Variants in RPS6KA2 observed in about 807,000 individuals in gnomAD.
RPS6KA2 encodes ribosomal protein S6 kinase alpha-2.
RPS6KA2 carries 42 observed loss-of-function variants against 91.8 expected under a neutral mutation model. The ratio of observed to expected loss-of-function variants is 0.46; its 90% CI spans 0.36 to 0.59. RPS6KA2 has a LOEUF of 0.59. Among genes scored for constraint, RPS6KA2 ranks in the 20% least tolerant of loss-of-function variants. The pLI is 0.00. For missense variants in RPS6KA2, 798 were observed against 978.5 expected (o/e 0.82, Z 2.46); for synonymous variants, 414 against 393.6 (o/e 1.05, Z -0.61).
At chr6:166,858,061 T>C in intron 2 of RPS6KA2, 1 of 689,642 alleles carries the variant, frequency 1.5e-6, no homozygotes, top group South Asian at 1.7e-5. Context: ...CGTTTGTGCA[T>C]GTGTATGTAT....
At chr6:166,499,711 T>C (rs1422594418) in intron 7 of RPS6KA2, among the ~76,000 whole-genome samples, 1 of 152,246 alleles carries the variant, frequency 6.6e-6, no homozygotes, top group Admixed American at 6.5e-5. Context: ...TAAACCTCTT[T>C]CCTTTATGAA....
intron 1 of RPS6KA2, among the ~76,000 whole-genome samples, chr6:166,552,567 T>C (rs1784054144): frequency 6.6e-6 from 1 of 152,154 alleles, no homozygotes; most frequent in South Asian, 2.1e-4. Context: ...TGAGGTTTGG[T>C]AAAATGCCTT....
chr6:166,486,284 G>A (rs1015001150), intron 10 of RPS6KA2, among the ~76,000 whole-genome samples: 12 of 150,490 alleles, frequency 8.0e-5, no homozygotes, highest in Non-Finnish European at 1.2e-4. Context: ...GCACGCACAC[G>A]CATGAACACA....
At position 166,435,091 on chromosome 6, in the gene RPS6KA2, G is replaced by A. The variant is rs541450644; in HGVS notation, c.1333-2601C>T. On this transcript the variant is annotated intron_variant, in intron 14 of 20. Coordinates refer to ENST00000265678, the MANE Select transcript of RPS6KA2 (RefSeq NM_021135.6). This position sits in a 1 kb window ranked among gnomAD's most constrained non-coding sequence, Gnocchi z 4.3. ...TGAAATAAAGAATTCCAAAATTTCA[G>A]CTTACTATTTTGTAAGCTGAAATTG... is the stretch of plus-strand genomic sequence containing the variant. 2.0e-5 allele frequency among the ~76,000 whole-genome samples: 3 copies of A among 152,120 alleles called. No individual in the cohort carries two copies. The highest frequency in any genetic ancestry group is 2.9e-5 in the Non-Finnish European group (2 of 68,014).
chr6:166,729,709 C>T (rs73263012), intron 2 of RPS6KA2, among the ~76,000 whole-genome samples: 6,091 of 152,284 alleles, frequency 0.04, 393 homozygotes, highest in African/African-American at 0.14. Flanking sequence ...TCTGTTCTCT[C>T]GGCTTTTCTT....
At chr6:166,605,835 T>C (rs1785933995) in intron 1 of RPS6KA2, among the ~76,000 whole-genome samples, 1 of 152,182 alleles carries the variant, frequency 6.6e-6, no homozygotes, top group South Asian at 2.1e-4. Flanking sequence ...AGACCTGAAA[T>C]GAAAACACAT....
intron 14 of RPS6KA2, among the ~76,000 whole-genome samples, chr6:166,441,113 T>C (rs544824365): frequency 2.0e-5 from 3 of 152,232 alleles, no homozygotes; most frequent in Non-Finnish European, 4.4e-5. Flanking sequence ...TCCTCAGTCA[T>C]GCAATCTGTT....
At chr6:166,613,565 G>C in intron 1 of RPS6KA2, among the ~76,000 whole-genome samples, 1 of 152,316 alleles carries the variant, frequency 6.6e-6, no homozygotes. Flanking sequence ...TGATTTTTCT[G>C]TCATGTATAG....
chr6:166,486,967 C>T lies in RPS6KA2; in HGVS notation c.907+1866G>A, dbSNP rs953010451. On this transcript the variant is annotated intron_variant, in intron 10 of 20. Transcript: ENST00000265678. ...ACGGTGCAGAGCCGTGGCCGAGACACCGTCCTCCAGCCCCAGGCTGTGGTG... is the reference window on the plus strand; with the variant it reads ...ACGGTGCAGAGCCGTGGCCGAGACATCGTCCTCCAGCCCCAGGCTGTGGTG... Among the ~76,000 whole-genome samples, 8 of 152,162 alleles carry T rather than the reference C, an allele frequency of 5.3e-5. 1 individual carries two copies. The South Asian group carries it at 1.7e-3, about 32-fold the overall frequency.
intron 1 of RPS6KA2, among the ~76,000 whole-genome samples, chr6:166,582,471 G>T (rs143016761): frequency 1.3e-5 from 2 of 152,184 alleles, no homozygotes; most frequent in Admixed American, 1.3e-4. Flanking sequence ...TTAGTTGGGC[G>T]GAGATGAATA....
intron 2 of RPS6KA2, among the ~76,000 whole-genome samples, chr6:166,723,470 C>A (rs960995159): frequency 6.6e-6 from 1 of 151,696 alleles, no homozygotes; most frequent in Admixed American, 6.5e-5. Context: ...GTATGCACCG[C>A]CTTCCTCAGC....
At chr6:166,465,755 C>T (rs1449146058) in intron 11 of RPS6KA2, among the ~76,000 whole-genome samples, 5 of 152,166 alleles carry the variant, frequency 3.3e-5, no homozygotes, top group South Asian at 2.1e-4. Context: ...TGGATGATGG[C>T]GTTATGGGAC....
chr6:166,619,233 G>A (rs949933552), intron 1 of RPS6KA2, among the ~76,000 whole-genome samples: 7 of 152,154 alleles, frequency 4.6e-5, no homozygotes, highest in South Asian at 2.1e-4. Flanking sequence ...GCTGTGTCTC[G>A]GGTTCTCTGG....
intron 2 of RPS6KA2, among the ~76,000 whole-genome samples, chr6:166,844,574 C>T (rs982370758): frequency 1.3e-5 from 2 of 152,136 alleles, no homozygotes; most frequent in Non-Finnish European, 2.9e-5. Flanking sequence ...GCAGATTTCT[C>T]GGCAGAAACC....
chr6:166,816,578 T>C (rs1779772279), intron 2 of RPS6KA2, among the ~76,000 whole-genome samples: 10 of 151,696 alleles, frequency 6.6e-5, no homozygotes, highest in Admixed American at 5.9e-4. Flanking sequence ...AAAGAATTAT[T>C]GAATGAAACT....
chr6:166,474,831 C>T (rs1288202090), intron 10 of RPS6KA2, among the ~76,000 whole-genome samples: 1 of 152,142 alleles, frequency 6.6e-6, no homozygotes, highest in Non-Finnish European at 1.5e-5. Flanking sequence ...TCACCCACAA[C>T]CGCGAGCCTC....
At chr6:166,656,587 G>C (rs1000580527) in intron 2 of RPS6KA2, among the ~76,000 whole-genome samples, 127 of 152,376 alleles carry the variant, frequency 8.3e-4, no homozygotes, top group Non-Finnish European at 1.5e-4. Context: ...TCCGCCTCCA[G>C]CCCTGGTCTC....
In RPS6KA2 at chr6:166,553,296, A is replaced by AT. The variant is rs559104361; in HGVS notation, c.100-14513dup. ...ACCATGCCCGGCTAATTTTCTTTGT[A>AT]TTTTTTTGTAGAGATGGTGGTCTCA... On this transcript the variant is annotated intron_variant, in intron 1 of 20. Transcript: ENST00000265678. 5.6e-3 allele frequency among the ~76,000 whole-genome samples: 857 copies of AT among 151,796 alleles called. 7 individuals carry two copies. Among genetic ancestry groups the AT allele is most frequent in the African/African-American group, 0.02 (822 of 41,394 alleles).
chr6:166,459,192 T>C lies in RPS6KA2; in HGVS notation c.1075+257A>G, dbSNP rs1460616934. On this transcript the variant is annotated intron_variant, in intron 12 of 20. Transcript: ENST00000265678. This position sits in a 1 kb window ranked among gnomAD's most constrained non-coding sequence, Gnocchi z 4.9. ...GTGTCTCTCTGACACAGGAAGTAAC[T>C]GGACCGGTGTCTTGGAATAAGGATA... 6.6e-6 allele frequency among the ~76,000 whole-genome samples: 1 copy of C among 152,220 alleles called. No homozygotes were observed. The highest frequency in any genetic ancestry group is 1.5e-5 in the Non-Finnish European group (1 of 68,040).
Sources: gnomAD v4.1 joint callset for allele counts (sites outside exome capture counted in the v4.1 genomes callset) on GRCh38, gnomAD v4.1.1 for gene constraint, Gnocchi (gnomAD v3.1) non-coding constraint, MANE v1.5 for transcripts, NCBI Gene and HGNC (gene_info 2026-07-23, HGNC 2026-07-21) for gene names.